The following RBFOX1 variants were observed in gnomAD, a reference collection of about 807,000 sequenced individuals.
The protein encoded by RBFOX1 is RNA binding fox-1 homolog 1, also known as RNA binding protein fox-1 homolog 1.
In RBFOX1, 8 loss-of-function variants were observed where a neutral mutation model predicts 57.7. The ratio of observed to expected loss-of-function variants is 0.14; its 90% CI spans 0.08 to 0.25. RBFOX1 has a LOEUF of 0.25. RBFOX1 is among the 10% of genes least tolerant of loss of function. The pLI is 1.00. For missense variants in RBFOX1, 611 were observed against 548.5 expected (o/e 1.11, Z -1.14); for synonymous variants, 326 against 222.4 (o/e 1.47, Z -4.15).
At chr16:7,451,090 G>C (rs1163510571) in intron 4 of RBFOX1, among the ~76,000 whole-genome samples, 1 of 152,150 alleles carries the variant, frequency 6.6e-6, no homozygotes, top group Non-Finnish European at 1.5e-5. Flanking sequence ...ATGCCAGGTA[G>C]GGCAGGCTGA....
chr16:7,231,977 T>C (rs1048026705), intron 4 of RBFOX1, among the ~76,000 whole-genome samples: 2 of 152,096 alleles, frequency 1.3e-5, no homozygotes, highest in Non-Finnish European at 2.9e-5. Context: ...TGGAACTAGA[T>C]AGGGGTGGTG....
At chr16:7,491,584 A>C (rs2066996945) in intron 4 of RBFOX1, among the ~76,000 whole-genome samples, 1 of 151,686 alleles carries the variant, frequency 6.6e-6, no homozygotes, top group Admixed American at 6.6e-5. Flanking sequence ...GTCTCTCTCT[A>C]AATTATTTGC....
intron 3 of RBFOX1, among the ~76,000 whole-genome samples, chr16:6,676,729 G>A (rs1304550416): frequency 7.3e-6 from 1 of 136,236 alleles, no homozygotes; most frequent in South Asian, 2.3e-4. Context: ...AGGCTGGAGT[G>A]CCATGGTGCG....
intron 10 of RBFOX1, among the ~76,000 whole-genome samples, chr16:7,609,794 C>G (rs1334035633): frequency 2.0e-5 from 3 of 147,166 alleles, no homozygotes; most frequent in African/African-American, 7.8e-5. Flanking sequence ...CCAGTTGATA[C>G]TGGTGGGGTT....
At chr16:7,327,259 G>A (rs1247480510) in intron 4 of RBFOX1, among the ~76,000 whole-genome samples, 3 of 152,212 alleles carry the variant, frequency 2.0e-5, no homozygotes, top group Non-Finnish European at 4.4e-5. Context: ...AAATGGAAAA[G>A]TGGATTCACA....
chr16:6,769,651 T>TAA (rs1315765820), intron 3 of RBFOX1, among the ~76,000 whole-genome samples: 1 of 152,244 alleles, frequency 6.6e-6, no homozygotes, highest in Non-Finnish European at 1.5e-5. Flanking sequence ...TAATGTATAA[T>TAA]ACGAGTGTAT....
At chr16:6,693,078 A>T (rs553512647) in intron 3 of RBFOX1, among the ~76,000 whole-genome samples, 2 of 133,116 alleles carry the variant, frequency 1.5e-5, no homozygotes, top group African/African-American at 5.0e-5. Flanking sequence ...ATCCTCCTCT[A>T]CTACCATCAC....
chr16:5,345,088 C>T (rs926006908), intron 1 of RBFOX1, among the ~76,000 whole-genome samples: 2 of 152,186 alleles, frequency 1.3e-5, no homozygotes, highest in African/African-American at 4.8e-5. Flanking sequence ...GTCATGGAGC[C>T]CATCGTGAAG....
chr16:5,308,968 G>C (rs1371101672), intron 1 of RBFOX1, among the ~76,000 whole-genome samples: 1 of 152,036 alleles, frequency 6.6e-6, no homozygotes, highest in Non-Finnish European at 1.5e-5. Flanking sequence ...AGACCTTGTG[G>C]GGTTCTTGAA....
chr16:6,689,781 C>T (rs898824507), intron 3 of RBFOX1, among the ~76,000 whole-genome samples: 22 of 152,192 alleles, frequency 1.4e-4, no homozygotes, highest in African/African-American at 4.6e-4. Context: ...TTTGTTTCTC[C>T]GTCTTCCTAC....
intron 2 of RBFOX1, among the ~76,000 whole-genome samples, chr16:6,508,014 G>A (rs943189058): frequency 2.0e-5 from 3 of 152,086 alleles, no homozygotes; most frequent in African/African-American, 4.8e-5. Context: ...ACATATACAT[G>A]ATGGAATACT....
chr16:7,168,731 A>G (rs942915507), intron 4 of RBFOX1, among the ~76,000 whole-genome samples: 2 of 152,178 alleles, frequency 1.3e-5, no homozygotes, highest in Admixed American at 1.3e-4. Flanking sequence ...CAGTCCCTAA[A>G]AATATCCATA....
intron 3 of RBFOX1, among the ~76,000 whole-genome samples, chr16:6,658,634 A>G (rs1422051733): frequency 6.6e-6 from 1 of 152,118 alleles, no homozygotes; most frequent in Non-Finnish European, 1.5e-5. Flanking sequence ...ATTTTTCTTT[A>G]TCCCAGAAGC....
At chr16:5,423,179 G>A (rs1166241564) in intron 1 of RBFOX1, among the ~76,000 whole-genome samples, 1 of 152,040 alleles carries the variant, frequency 6.6e-6, no homozygotes, top group Non-Finnish European at 1.5e-5. Flanking sequence ...AGTTACAACA[G>A]TAGTAAATAG....
intron 4 of RBFOX1, among the ~76,000 whole-genome samples, chr16:7,070,367 G>C (rs2057075874): frequency 6.6e-6 from 1 of 152,138 alleles, no homozygotes; most frequent in African/African-American, 2.4e-5. Flanking sequence ...TGGAAAACTT[G>C]TCTGCCTCAG....
chr16:6,346,550 T>G (rs1310284050), intron 2 of RBFOX1, among the ~76,000 whole-genome samples: 1 of 152,204 alleles, frequency 6.6e-6, no homozygotes, highest in African/African-American at 2.4e-5. Context: ...ACTTCTGTTT[T>G]CTGTCCATAA....
intron 3 of RBFOX1, among the ~76,000 whole-genome samples, chr16:6,859,821 C>G (rs1603633349): frequency 6.7e-6 from 1 of 150,142 alleles, no homozygotes; most frequent in Non-Finnish European, 1.5e-5. Context: ...TTCTGCCATT[C>G]TTGTTTCTTT....
Position 6,878,113 on chromosome 16 carries a change from A to C in RBFOX1, c.-15-173944A>C, listed in dbSNP as rs114964133. Among the ~76,000 whole-genome samples, 353 of 152,262 alleles carry C rather than the reference A, an allele frequency of 2.3e-3. 2 individuals are homozygous for C. The highest frequency in any genetic ancestry group is 8.2e-3 in the African/African-American group (342 of 41,556). ...CTGAGATATATGGTGGCGTGTATGC[A>C]AGGACTTCTAAGAGAAGTGATAGCT... On this transcript the variant is annotated intron_variant, in intron 3 of 15. Transcript: ENST00000550418.
At chr16:5,689,510 G>A (rs928148998) in intron 3 of RBFOX1, among the ~76,000 whole-genome samples, 1 of 152,094 alleles carries the variant, frequency 6.6e-6, no homozygotes, top group African/African-American at 2.4e-5. Context: ...CTGGTATGTG[G>A]GAAATATTAC....
Sources: allele counts gnomAD v4.1 joint callset (sites outside exome capture counted in the v4.1 genomes callset), GRCh38; gene constraint gnomAD v4.1.1; transcripts MANE v1.5; gene names NCBI Gene and HGNC (gene_info 2026-07-23, HGNC 2026-07-21).